REPS2: variants seen among roughly 807,000 people sequenced by gnomAD.
The protein encoded by REPS2 is ralBP1-associated Eps domain-containing protein 2.
In REPS2, 23 loss-of-function variants were observed where a neutral mutation model predicts 53.6. The observed-to-expected ratio is 0.43, with a 90% CI of 0.31 to 0.61. The LOEUF (loss-of-function observed/expected upper bound fraction) is 0.61, where lower values mean the gene tolerates loss of function less well. Ranked by LOEUF, REPS2 falls within the 20% of genes least tolerant of loss-of-function variation. REPS2 has a pLI of 0.11. For synonymous variants in REPS2, 238 were observed against 218.6 expected (o/e 1.09, Z -0.78); for missense variants, 446 against 534.9 (o/e 0.83, Z 1.64).
intron 13 of REPS2, among the ~76,000 whole-genome samples, chrX:17,080,919 G>A (rs1286708890): frequency 9.0e-6 from 1 of 111,104 alleles, no homozygotes; most frequent in Non-Finnish European, 1.9e-5. Context: ...CAGGCACTTG[G>A]GAATGTGAGG....
chrX:17,126,325 C>T (rs190434185), intron 14 of REPS2, among the ~76,000 whole-genome samples: 69 of 111,365 alleles, frequency 6.2e-4, no homozygotes, highest in African/African-American at 2.2e-3. Flanking sequence ...GATCTGCCAA[C>T]CACAGTGGAG....
rs2061682902 is a variant in REPS2, at chrX:17,029,519, G to T, written c.674-7G>T. On this transcript the variant is annotated splice_region_variant and splice_polypyrimidine_tract_variant and intron_variant, in intron 4 of 17. Transcript: ENST00000357277. ...TACCATACTGACTTTCCTTTCTGCTGTTTCAGCACCTTATGAAGCTAGGCA... is the reference window on the plus strand; with the variant it reads ...TACCATACTGACTTTCCTTTCTGCTTTTTCAGCACCTTATGAAGCTAGGCA... 4.2e-6 allele frequency: 5 copies of T among 1,191,578 alleles called. No individual in the cohort carries two copies. Among genetic ancestry groups the T allele is most frequent in the Non-Finnish European group, 4.6e-6 (4 of 878,613 alleles).
At chrX:17,181,506 A>G in the REPS2 span, among the ~76,000 whole-genome samples, 1 of 112,122 alleles carries the variant, frequency 8.9e-6, no homozygotes, top group African/African-American at 3.2e-5. Context: ...GCAAGACCAC[A>G]TGGAAGAGAA....
intron 1 of REPS2, among the ~76,000 whole-genome samples, chrX:17,002,530 GTCTC>G (rs758683904): frequency 3.0e-3 from 341 of 112,165 alleles, no homozygotes; most frequent in Middle Eastern, 9.3e-3. Context: ...TGGACTGAAA[GTCTC>G]TCTTGAATGT....
rs182627016 is a variant in REPS2 at position 17,066,750 on chromosome X, G to A, written c.1210-1652G>A. Reference sequence around the variant, plus strand: ...TAGCCGGGCGTGGTGGCATATGCCTGTAGTCCCAGCTACTCAGGAGGCTGA... The same window carrying A: ...TAGCCGGGCGTGGTGGCATATGCCTATAGTCCCAGCTACTCAGGAGGCTGA... On this transcript the variant is annotated intron_variant, in intron 9 of 17. Transcript: ENST00000357277. Among the ~76,000 whole-genome samples the A allele has an allele frequency of 5.3e-5, 6 of 112,177 alleles. No individual in the cohort carries two copies. The East Asian group carries it at 1.7e-3, about 31-fold the overall frequency.
the REPS2 span, among the ~76,000 whole-genome samples, chrX:17,158,944 A>T: frequency 8.9e-6 from 1 of 112,217 alleles, no homozygotes; most frequent in East Asian, 2.8e-4. Context: ...AACAATGTAG[A>T]CCTCTGTTTC....
At chrX:17,015,316 T>C (rs1465342370) in intron 2 of REPS2, among the ~76,000 whole-genome samples, 3 of 112,793 alleles carry the variant, frequency 2.7e-5, no homozygotes, top group African/African-American at 9.6e-5. Context: ...AATGCAACCT[T>C]ATTGATTTAG....
At chrX:16,951,554 CACACA>C (rs1302002045) in intron 1 of REPS2, among the ~76,000 whole-genome samples, 1,116 of 29,965 alleles carry the variant, frequency 0.037, 38 homozygotes, top group East Asian at 0.13. Context: ...CACACACACA[CACACA>C]CCCCCGCTAC....
chrX:17,020,230 G>A (rs1359452398), intron 2 of REPS2, among the ~76,000 whole-genome samples: 1 of 112,161 alleles, frequency 8.9e-6, no homozygotes, highest in African/African-American at 3.2e-5. Context: ...TTGTTCCTTG[G>A]AGGTATCTGT....
chrX:16,949,704 G>A (rs745561171), intron 1 of REPS2, among the ~76,000 whole-genome samples: 85 of 112,240 alleles, frequency 7.6e-4, no homozygotes, highest in Non-Finnish European at 1.4e-3. Flanking sequence ...CACCATGCCT[G>A]GCCTTAACAT....
chrX:17,189,881 C>T, the REPS2 span, among the ~76,000 whole-genome samples: 1 of 112,112 alleles, frequency 8.9e-6, no homozygotes, highest in African/African-American at 3.2e-5. Context: ...AGGTCCCTAA[C>T]AGAACATGAA....
At chrX:17,123,673 T>C (rs2063171043) in intron 14 of REPS2, among the ~76,000 whole-genome samples, 1 of 112,583 alleles carries the variant, frequency 8.9e-6, no homozygotes. Context: ...GCCTGAGATA[T>C]CCATGTTAAA....
intron 5 of REPS2, among the ~76,000 whole-genome samples, chrX:17,046,167 T>A (rs1327534519): frequency 9.3e-6 from 1 of 107,432 alleles, no homozygotes; most frequent in African/African-American, 3.4e-5. Flanking sequence ...TTATTTTTTT[T>A]TTTTTGAGAC....
the REPS2 span, among the ~76,000 whole-genome samples, chrX:17,176,882 C>T: frequency 2.7e-5 from 3 of 112,242 alleles, no homozygotes; most frequent in African/African-American, 6.5e-5. Context: ...CTTATCTCTT[C>T]GTTTGACTAA....
intron 13 of REPS2, among the ~76,000 whole-genome samples, chrX:17,088,959 A>G (rs1199181930): frequency 9.0e-6 from 1 of 111,610 alleles, no homozygotes; most frequent in Non-Finnish European, 1.9e-5. Flanking sequence ...AGCTATCTAC[A>G]TTAAATTAAT....
In REPS2 at chrX:17,068,406, C is replaced by T. The variant is rs1227088341; in HGVS notation, c.1214C>T (p.Thr405Ile). 1 of 1,195,137 alleles carries T rather than the reference C, an allele frequency of 8.4e-7. No homozygotes were observed. Among genetic ancestry groups the T allele is most frequent in the African/African-American group, 1.8e-5 (1 of 56,897 alleles). Residue 405 changes from threonine (T) to isoleucine (I), a missense_variant, in exon 10 of 18, where the codon ACA becomes ATA. By Grantham distance (89) the Thr-to-Ile change is moderately conservative. Coordinates refer to ENST00000357277, the MANE Select transcript of REPS2 (RefSeq NM_004726.3). The part of the protein sequence containing the change: ...QPRDLNRMEK[T>I]SVKDMADLPV... ...ATTTACTTTTCTTTTTCAAAGAAGA[C>T]ATCTGTTAAAGACATGGCTGACCTT...
the REPS2 span, among the ~76,000 whole-genome samples, chrX:17,161,577 C>G: frequency 9.0e-6 from 1 of 110,540 alleles, no homozygotes; most frequent in Non-Finnish European, 1.9e-5. Flanking sequence ...GATTCATCCC[C>G]AGAGCCTCCA....
At chrX:17,143,529 C>G in intron 17 of REPS2, among the ~76,000 whole-genome samples, 1 of 107,336 alleles carries the variant, frequency 9.3e-6, no homozygotes, top group Non-Finnish European at 1.9e-5. Context: ...ATTTCCTCCC[C>G]CCTGCCCTCA....
chrX:17,147,352 G>A, intron 17 of REPS2, 61 bp from the exon 18 acceptor site: 2 of 889,923 alleles, frequency 2.2e-6, no homozygotes, highest in Non-Finnish European at 3.3e-6. Context: ...GATGAAGTAG[G>A]GATGAATTCA....
Sources: gnomAD v4.1 joint callset for allele counts (sites outside exome capture counted in the v4.1 genomes callset) on GRCh38, gnomAD v4.1.1 for gene constraint, MANE v1.5 for transcripts, NCBI Gene and HGNC (gene_info 2026-07-23, HGNC 2026-07-21) for gene names.